Variants in ZNF710 observed in about 807,000 individuals in gnomAD.
ZNF710 encodes zinc finger protein 710.
A neutral mutation model predicts 50.6 loss-of-function variants in ZNF710; 13 were observed. The ratio of observed to expected loss-of-function variants is 0.26; its 90% CI spans 0.17 to 0.41. The LOEUF is 0.41. Ranked by LOEUF, ZNF710 falls within the 10% of genes least tolerant of loss-of-function variation. The probability of loss-of-function intolerance (pLI) is 1.00; values close to 1 mark genes in which losing one functional copy is unlikely to be tolerated. For missense variants in ZNF710, 721 were observed against 936.6 expected (o/e 0.77, Z 3.01); for synonymous variants, 383 against 397.0 (o/e 0.96, Z 0.42).
At chr15:90,019,645 G>A (rs1106990) in intron 1 of ZNF710, among the ~76,000 whole-genome samples, 72,316 of 152,042 alleles carry the variant, frequency 0.48, 18,243 homozygotes, top group Non-Finnish European at 0.56. Context: ...TGGCAAGGAA[G>A]GGCCTGAGAG....
intron 1 of ZNF710, among the ~76,000 whole-genome samples, chr15:90,030,329 C>CAAATAAAAA (rs1898897897): frequency 2.0e-5 from 1 of 50,506 alleles, no homozygotes; most frequent in Non-Finnish European, 3.5e-5. Flanking sequence ...AACTCCATCT[C>CAAATAAAAA]AAAAAAAAAA....
rs1899948478 is a variant in ZNF710, at chr15:90,059,822, G to C, written c.-28-7288G>C. ...GGAGGACAACAGGGGAAACCAAGAG[G>C]CTGGTTTCCTTAGGCGGTGAAATCC... On this transcript the variant is annotated intron_variant, in intron 1 of 4. Transcript: ENST00000268154. This position sits in a 1 kb window ranked among gnomAD's most constrained non-coding sequence, Gnocchi z 4.1. 6.6e-6 allele frequency among the ~76,000 whole-genome samples: 1 copy of C among 152,222 alleles called. No individual in the cohort carries two copies. The highest frequency in any genetic ancestry group is 6.5e-5 in the Admixed American group (1 of 15,292).
Position 90,059,652 on chromosome 15 carries a change from G to A in ZNF710, c.-28-7458G>A, listed in dbSNP as rs1180121738. Among the ~76,000 whole-genome samples, 4 of 151,982 alleles carry A rather than the reference G, an allele frequency of 2.6e-5. No homozygotes were observed. The highest frequency in any genetic ancestry group is 5.9e-5 in the Non-Finnish European group (4 of 67,956). ...CTGCCCCTCCCCCGTGCCGGCGGCA[G>A]CTCCCTGGGCCTCTGGCTCCTGAGG... On this transcript the variant is annotated intron_variant, in intron 1 of 4. Transcript: ENST00000268154. The surrounding 1 kb of genome is among the most constrained non-coding windows in gnomAD (Gnocchi z 4.1).
upstream of ZNF710, among the ~76,000 whole-genome samples, chr15:90,001,153 T>C (rs192215519): frequency 3.5e-4 from 53 of 152,122 alleles, no homozygotes; most frequent in African/African-American, 1.2e-3. Context: ...CCCTTCAGGC[T>C]TTCAATTCGA....
intron 1 of ZNF710, among the ~76,000 whole-genome samples, chr15:90,012,721 G>A (rs1009144623): frequency 6.6e-6 from 1 of 151,808 alleles, no homozygotes; most frequent in Non-Finnish European, 1.5e-5. Flanking sequence ...CTTCACTGAG[G>A]TATTTTTAAT....
At chr15:90,037,880 A>G (rs1899177079) in intron 1 of ZNF710, among the ~76,000 whole-genome samples, 1 of 152,200 alleles carries the variant, frequency 6.6e-6, no homozygotes, top group Admixed American at 6.5e-5. Flanking sequence ...CCAGAGCTGT[A>G]AGAGACAGGC....
At chr15:90,026,251 A>AC (rs1417065733) in intron 1 of ZNF710, among the ~76,000 whole-genome samples, 4 of 117,520 alleles carry the variant, frequency 3.4e-5, no homozygotes, top group African/African-American at 1.6e-4. Flanking sequence ...AAAAAAAACA[A>AC]AACAACAACA....
intron 1 of ZNF710, among the ~76,000 whole-genome samples, chr15:90,008,828 T>C (rs1360789179): frequency 6.6e-6 from 1 of 152,108 alleles, no homozygotes; most frequent in African/African-American, 2.4e-5. Flanking sequence ...GTAAAGGATT[T>C]TCTGATATTA....
intron 1 of ZNF710, among the ~76,000 whole-genome samples, chr15:90,063,974 A>G (rs1900091028): frequency 6.6e-6 from 1 of 152,210 alleles, no homozygotes; most frequent in Non-Finnish European, 1.5e-5. Context: ...TCACACGGCT[A>G]GTAGACGGCA....
At chr15:90,014,665 C>A (rs1228785964) in intron 1 of ZNF710, among the ~76,000 whole-genome samples, 1 of 151,962 alleles carries the variant, frequency 6.6e-6, no homozygotes, top group Non-Finnish European at 1.5e-5. Context: ...AAAGTACTTT[C>A]TAAGAATGAC....
intron 1 of ZNF710, among the ~76,000 whole-genome samples, chr15:90,023,994 CAA>C (rs145288734): frequency 1.4e-5 from 2 of 139,210 alleles, no homozygotes; most frequent in Admixed American, 7.2e-5. Context: ...GTGAGACCTT[CAA>C]AAAAAAAAAA....
At chr15:90,076,385 G>A (rs974227362) in intron 4 of ZNF710, 2 of 152,212 alleles carry the variant, frequency 1.3e-5, no homozygotes, top group African/African-American at 4.8e-5. Context: ...AGAGCAGAAC[G>A]TGCCCTTTTG....
At position 90,040,688 on chromosome 15, in the gene ZNF710, G is replaced by T. The variant is rs1345352891; in HGVS notation, c.-28-26422G>T. ...CTGATGGGCTTCTAGTGCTAAAGCA[G>T]CAGGCCCCGCCCCACCTCGCTCCCC... is the stretch of plus-strand genomic sequence containing the variant. On this transcript the variant is annotated intron_variant, in intron 1 of 4. Coordinates refer to ENST00000268154, the MANE Select transcript of ZNF710 (RefSeq NM_198526.4). The surrounding 1 kb of genome is among the most constrained non-coding windows in gnomAD (Gnocchi z 4.6). 1.3e-5 allele frequency among the ~76,000 whole-genome samples: 2 copies of T among 152,196 alleles called. No homozygotes were observed. The highest frequency in any genetic ancestry group is 3.9e-4 in the East Asian group (2 of 5,184).
intron 1 of ZNF710, among the ~76,000 whole-genome samples, chr15:90,066,017 TTCTTTCAAA>T (rs1157562518): frequency 6.6e-6 from 1 of 152,258 alleles, no homozygotes; most frequent in Non-Finnish European, 1.5e-5. Context: ...CAAGGAGCTC[TTCTTTCAAA>T]TCAGATCGGA....
At chr15:90,029,373 A>G (rs1459475798) in intron 1 of ZNF710, among the ~76,000 whole-genome samples, 1 of 152,172 alleles carries the variant, frequency 6.6e-6, no homozygotes, top group Non-Finnish European at 1.5e-5. Context: ...CCTTCTGGCC[A>G]TTTGACATCA....
At chr15:90,016,376 T>C (rs1026161412) in intron 1 of ZNF710, among the ~76,000 whole-genome samples, 2 of 152,194 alleles carry the variant, frequency 1.3e-5, no homozygotes, top group Admixed American at 6.5e-5. Flanking sequence ...GAACCTGGCA[T>C]TGAATTCAGT....
chr15:90,063,014 A>G (rs80066563), intron 1 of ZNF710, among the ~76,000 whole-genome samples: 8,055 of 152,226 alleles, frequency 0.053, 412 homozygotes, highest in East Asian at 0.15. Context: ...CCAGGTGGGC[A>G]GTGGCTCAAT....
chr15:90,050,797 T>C (rs1187968377), intron 1 of ZNF710, among the ~76,000 whole-genome samples: 2 of 152,184 alleles, frequency 1.3e-5, no homozygotes, highest in Non-Finnish European at 2.9e-5. Flanking sequence ...ATTTATTTAC[T>C]GCTTATTTCC....
At chr15:90,069,782 T>C (rs1265279363) in intron 2 of ZNF710, among the ~76,000 whole-genome samples, 3 of 152,166 alleles carry the variant, frequency 2.0e-5, no homozygotes, top group Non-Finnish European at 4.4e-5. Context: ...TAATCTACCA[T>C]GTCCCTAAAC....
Sources: allele counts gnomAD v4.1 joint callset (sites outside exome capture counted in the v4.1 genomes callset), GRCh38; gene constraint gnomAD v4.1.1; non-coding constraint Gnocchi (gnomAD v3.1); transcripts MANE v1.5; gene names NCBI Gene and HGNC (gene_info 2026-07-23, HGNC 2026-07-21).